NTM: variants seen among roughly 807,000 people sequenced by gnomAD.
NTM encodes the protein IgLON family member 2.
Under a neutral mutation model 42.1 loss-of-function variants are expected in NTM, and 13 were observed. That is an observed-to-expected ratio of 0.31 (90% CI 0.20 to 0.49). The LOEUF is 0.49. Among genes scored for constraint, NTM ranks in the 20% least tolerant of loss-of-function variants. NTM has a pLI of 0.99. For synonymous variants in NTM, 187 were observed against 179.2 expected, an observed-to-expected ratio of 1.04 and a Z score of -0.35; for missense variants, 373 against 452.8, an observed-to-expected ratio of 0.82 and a Z score of 1.60.
intron 4 of NTM, among the ~76,000 whole-genome samples, chr11:132,282,587 T>A (rs2094017903): frequency 6.6e-6 from 1 of 152,166 alleles, no homozygotes; most frequent in Non-Finnish European, 1.5e-5. Flanking sequence ...AAATATCTCA[T>A]TGCCCAAACA....
intron 1 of NTM, among the ~76,000 whole-genome samples, chr11:131,377,154 G>A (rs976986172): frequency 1.6e-4 from 24 of 152,180 alleles, no homozygotes; most frequent in African/African-American, 5.5e-4. Flanking sequence ...CAGGGGTTTG[G>A]GAAGAGGAGG....
chr11:131,573,687 C>A (rs960641338), intron 1 of NTM: 3 of 152,182 alleles, frequency 2.0e-5, no homozygotes, highest in South Asian at 2.1e-4. Flanking sequence ...TGCCTTCTAT[C>A]CAGATGACAT....
chr11:131,713,153 A>G (rs1339894592), intron 1 of NTM, among the ~76,000 whole-genome samples: 1 of 152,192 alleles, frequency 6.6e-6, no homozygotes, highest in East Asian at 1.9e-4. Flanking sequence ...GTCATGCTAT[A>G]CACCGGGTGT....
At chr11:132,174,375 T>C (rs868656549) in intron 3 of NTM, among the ~76,000 whole-genome samples, 14 of 152,338 alleles carry the variant, frequency 9.2e-5, no homozygotes, top group African/African-American at 2.6e-4. Flanking sequence ...TAATGACCCC[T>C]GTACTTATGT....
At chr11:131,469,439 C>T (rs1343247618) in intron 1 of NTM, among the ~76,000 whole-genome samples, 6 of 152,212 alleles carry the variant, frequency 3.9e-5, no homozygotes, top group African/African-American at 1.4e-4. Context: ...AGGCTGATGA[C>T]TTGCCCAAGG....
intron 2 of NTM, among the ~76,000 whole-genome samples, chr11:131,972,733 C>T (rs895731254): frequency 6.6e-6 from 1 of 152,128 alleles, no homozygotes; most frequent in Non-Finnish European, 1.5e-5. Context: ...TCAATAACCA[C>T]CCTGGAACAG....
chr11:131,988,493 T>G (rs1353137684), intron 2 of NTM, among the ~76,000 whole-genome samples: 2 of 152,178 alleles, frequency 1.3e-5, no homozygotes, highest in African/African-American at 4.8e-5. Flanking sequence ...ACAATGGAGC[T>G]ATCCTTTGTG....
At chr11:131,837,286 C>T (rs896962600) in intron 1 of NTM, among the ~76,000 whole-genome samples, 2 of 152,172 alleles carry the variant, frequency 1.3e-5, no homozygotes, top group African/African-American at 4.8e-5. Context: ...TCTCTGCCTT[C>T]TCTTACCCTC....
At chr11:132,257,960 T>TA (rs2092607140) in intron 4 of NTM, among the ~76,000 whole-genome samples, 1 of 152,136 alleles carries the variant, frequency 6.6e-6, no homozygotes, top group African/African-American at 2.4e-5. Flanking sequence ...CTGTGGCATT[T>TA]ACTGTGTAGC....
intron 1 of NTM, among the ~76,000 whole-genome samples, chr11:131,371,733 G>A (rs958637995): frequency 6.6e-6 from 1 of 150,960 alleles, no homozygotes; most frequent in Non-Finnish European, 1.5e-5. Flanking sequence ...CGGCTCTCAC[G>A]TCTGTTCGTT....
chr11:132,223,350 G>T (rs2085534196), intron 4 of NTM, among the ~76,000 whole-genome samples: 1 of 152,206 alleles, frequency 6.6e-6, no homozygotes, highest in Non-Finnish European at 1.5e-5. Context: ...ATGATCAGGT[G>T]TGTGTTTGAG....
At chr11:131,972,204 C>A (rs2063659831) in intron 2 of NTM, among the ~76,000 whole-genome samples, 1 of 152,028 alleles carries the variant, frequency 6.6e-6, no homozygotes. Flanking sequence ...CAGAGTAAGA[C>A]TCTGACTCAA....
intron 1 of NTM, among the ~76,000 whole-genome samples, chr11:131,778,622 A>G (rs2087487765): frequency 1.3e-5 from 2 of 152,230 alleles, no homozygotes; most frequent in African/African-American, 4.8e-5. Context: ...GAATTTAAAC[A>G]TAAAAACTAG....
rs147213224 is a variant in NTM, at chr11:131,851,532, C to CGCGTGTGT, written c.83-60031_83-60030insCGTGTGTG. Among the ~76,000 whole-genome samples the CGCGTGTGT allele has an allele frequency of 2.9e-3, 431 of 146,802 alleles. 3 individuals are homozygous for CGCGTGTGT. The highest frequency in any genetic ancestry group is 8.3e-3 in the African/African-American group (329 of 39,534). On this transcript the variant is annotated intron_variant, in intron 1 of 8. Coordinates refer to ENST00000683400, the MANE Select transcript of NTM (RefSeq NM_001352005.2). ...ACATCACATGCCCTGGTGAGAATGGCGTGTGTGTGTGTGTGTGTGTGTGTG... is the reference window on the plus strand; with the variant it reads ...ACATCACATGCCCTGGTGAGAATGGCGCGTGTGTGTGTGTGTGTGTGTGTGTGTGTGTG...
At chr11:132,312,481 C>G (rs1311094529) in intron 6 of NTM, 1 of 153,246 alleles carries the variant, frequency 6.5e-6, no homozygotes, top group African/African-American at 2.4e-5. Flanking sequence ...TGGTAAGAAA[C>G]TGAGGCCTGG....
intron 2 of NTM, among the ~76,000 whole-genome samples, chr11:132,069,755 G>A (rs540582279): frequency 1.3e-5 from 2 of 150,220 alleles, no homozygotes; most frequent in Admixed American, 1.3e-4. Context: ...ACGTCACACA[G>A]CCAAGTTAAC....
intron 1 of NTM, among the ~76,000 whole-genome samples, chr11:131,532,845 G>A (rs1463508311): frequency 6.6e-6 from 1 of 152,132 alleles, no homozygotes; most frequent in Non-Finnish European, 1.5e-5. Context: ...TTATTTTCAT[G>A]TGTTTATGGC....
chr11:132,227,555 G>C (rs552693317), intron 4 of NTM, among the ~76,000 whole-genome samples: 1 of 151,914 alleles, frequency 6.6e-6, no homozygotes, highest in Non-Finnish European at 1.5e-5. Flanking sequence ...CTATTATTGC[G>C]GTGTAATTAC....
intron 3 of NTM, among the ~76,000 whole-genome samples, chr11:132,194,748 T>G (rs2079894716): frequency 6.6e-6 from 1 of 151,570 alleles, no homozygotes; most frequent in South Asian, 2.1e-4. Context: ...CTCCTAGAAC[T>G]GATAAACGAC....
Sources: allele counts gnomAD v4.1 joint callset (sites outside exome capture counted in the v4.1 genomes callset), GRCh38; gene constraint gnomAD v4.1.1; transcripts MANE v1.5; gene names NCBI Gene and HGNC (gene_info 2026-07-23, HGNC 2026-07-21).